The following SAP30BP variants were observed in gnomAD, a reference collection of about 807,000 sequenced individuals.
SAP30BP encodes the protein SAP30 binding protein, also known as SAP30-binding protein.
Under a neutral mutation model 46.3 loss-of-function variants are expected in SAP30BP, and 31 were observed. The observed-to-expected ratio is 0.67, with a 90% CI of 0.50 to 0.90. The LOEUF is 0.90. SAP30BP is among the 40% of genes least tolerant of loss of function. The pLI is 0.00. For synonymous variants in SAP30BP, 169 were observed against 144.2 expected (o/e 1.17, Z -1.23); for missense variants, 312 against 391.0 (o/e 0.80, Z 1.70).
chr17:75,682,032 G>A (rs2060083618), intron 3 of SAP30BP, among the ~76,000 whole-genome samples: 1 of 151,840 alleles, frequency 6.6e-6, no homozygotes. Flanking sequence ...CTTAAGCTTG[G>A]ACTTTTTTTT....
intron 3 of SAP30BP, among the ~76,000 whole-genome samples, chr17:75,682,273 C>T (rs1224010603): frequency 6.6e-6 from 1 of 151,872 alleles, no homozygotes; most frequent in Admixed American, 6.6e-5. Context: ...CAGTCTCCAC[C>T]TCCTTGGTTC....
chr17:75,671,006 T>C (rs1293024585), intron 2 of SAP30BP, among the ~76,000 whole-genome samples: 1 of 152,204 alleles, frequency 6.6e-6, no homozygotes, highest in Non-Finnish European at 1.5e-5. Flanking sequence ...TGGTCCAGCA[T>C]CTGCTCCTGA....
intron 2 of SAP30BP, 45 bp downstream of exon 2, chr17:75,668,670 A>G (rs777824212): frequency 1.5e-6 from 2 of 1,307,194 alleles, no homozygotes; most frequent in Admixed American, 3.8e-5. Context: ...GCACAATTTC[A>G]TTTGTCAGAT....
chr17:75,671,443 TTC>T (rs2059906334), intron 2 of SAP30BP, among the ~76,000 whole-genome samples: 1 of 152,218 alleles, frequency 6.6e-6, no homozygotes, highest in African/African-American at 2.4e-5. Flanking sequence ...TAACTGATAC[TTC>T]AGTGGAAACA....
At chr17:75,705,593 C>T in intron 9 of SAP30BP, 1 of 1,031,388 alleles carries the variant, frequency 9.7e-7, no homozygotes, top group Non-Finnish European at 1.2e-6. Flanking sequence ...CTCTTTCCCT[C>T]TCCCTTCCAA....
intron 3 of SAP30BP, chr17:75,692,054 A>G: frequency 5.1e-6 from 1 of 197,992 alleles, no homozygotes; most frequent in Non-Finnish European, 9.1e-6. Context: ...CTCTTTGCCC[A>G]CCTGATTGGC....
intron 4 of SAP30BP, among the ~76,000 whole-genome samples, chr17:75,696,541 C>G (rs1428061087): frequency 6.7e-6 from 1 of 148,784 alleles, no homozygotes; most frequent in Non-Finnish European, 1.5e-5. Context: ...GAGACTCCAT[C>G]TCAATTAAAA....
intron 3 of SAP30BP, among the ~76,000 whole-genome samples, chr17:75,687,917 G>T (rs964904783): frequency 8.3e-5 from 10 of 120,366 alleles, no homozygotes; most frequent in East Asian, 2.7e-4. Flanking sequence ...CAGTGTTTGG[G>T]GTGTGTGTGT....
At chr17:75,690,599 G>A (rs1007915256) in intron 3 of SAP30BP, 13 of 443,234 alleles carry the variant, frequency 2.9e-5, no homozygotes, top group Admixed American at 7.3e-5. Context: ...GATTACAGGC[G>A]TGAGCCACTG....
At chr17:75,693,784 G>GGTCTC (rs1366112635) in intron 4 of SAP30BP, among the ~76,000 whole-genome samples, 1 of 152,172 alleles carries the variant, frequency 6.6e-6, no homozygotes, top group East Asian at 1.9e-4. Flanking sequence ...GCTTCCCCTA[G>GGTCTC]TGCCCTGGGC....
chr17:75,679,737 A>G (rs2060047617), intron 3 of SAP30BP: 1 of 152,134 alleles, frequency 6.6e-6, no homozygotes, highest in Non-Finnish European at 1.5e-5. Context: ...TTTCGTCTCT[A>G]ACTTCAAGTT....
At chr17:75,692,214 G>C (rs820217) in intron 3 of SAP30BP, 1 of 984,648 alleles carries the variant, frequency 1.0e-6, no homozygotes, top group East Asian at 1.1e-4. Flanking sequence ...AGGGGGCTAA[G>C]ACTGAGTCTA....
At chr17:75,696,766 CTTT>C (rs34464076) in intron 4 of SAP30BP, among the ~76,000 whole-genome samples, 10 of 100,658 alleles carry the variant, frequency 9.9e-5, no homozygotes, top group South Asian at 3.6e-4. Context: ...CTCCCCTCCT[CTTT>C]TTTTTTTTTT....
intron 3 of SAP30BP, chr17:75,691,276 T>G: frequency 5.4e-6 from 2 of 367,954 alleles, no homozygotes; most frequent in Non-Finnish European, 5.3e-6. Flanking sequence ...GTTTATTTAT[T>G]TCTTAGGCGT....
At chr17:75,702,307 AGCCACCGT>A (rs149137036) in intron 5 of SAP30BP, among the ~76,000 whole-genome samples, 165 bp from the exon 6 acceptor site, 7,841 of 152,238 alleles carry the variant, frequency 0.052, 226 homozygotes, top group Admixed American at 0.066. Flanking sequence ...TACAGGCGTG[AGCCACCGT>A]GCCTGGCTGA....
At chr17:75,681,181 G>T (rs2060070805) in intron 3 of SAP30BP, among the ~76,000 whole-genome samples, 1 of 152,226 alleles carries the variant, frequency 6.6e-6, no homozygotes, top group African/African-American at 2.4e-5. Flanking sequence ...GTGGAGTAAG[G>T]CTGTGTTTCC....
intron 3 of SAP30BP, chr17:75,690,777 A>G (rs2060230277): frequency 2.2e-6 from 1 of 456,602 alleles, no homozygotes; most frequent in Non-Finnish European, 4.4e-6. Context: ...GATAAGGTAT[A>G]GCCAGCAGGA....
intron 3 of SAP30BP, among the ~76,000 whole-genome samples, chr17:75,689,088 C>T (rs969299474): frequency 2.0e-5 from 3 of 151,930 alleles, no homozygotes; most frequent in African/African-American, 7.3e-5. Flanking sequence ...TTAAACCATA[C>T]TTCCTCTTTC....
intron 5 of SAP30BP, 49 bp from the exon 6 acceptor site, chr17:75,702,431 G>T: frequency 1.3e-6 from 1 of 766,244 alleles, no homozygotes; most frequent in Non-Finnish European, 2.3e-6. Context: ...ACGGTGGAGG[G>T]GTGGGCTTCT....
Sources: allele counts gnomAD v4.1 joint callset (sites outside exome capture counted in the v4.1 genomes callset), GRCh38; gene constraint gnomAD v4.1.1; transcripts MANE v1.5; gene names NCBI Gene and HGNC (gene_info 2026-07-23, HGNC 2026-07-21).